WDFY3: variants seen among roughly 807,000 people sequenced by gnomAD.
The protein encoded by WDFY3 is WD repeat and FYVE domain-containing protein 3.
In WDFY3, 66 loss-of-function variants were observed where a neutral mutation model predicts 409.6. The ratio of observed to expected loss-of-function variants is 0.16; its 90% CI spans 0.13 to 0.20. The LOEUF is 0.20. Among genes scored for constraint, WDFY3 ranks in the 10% least tolerant of loss-of-function variants. WDFY3 has a pLI of 1.00. For missense variants in WDFY3, 3,031 were observed against 4,298.1 expected (o/e 0.71, Z 8.24); for synonymous variants, 1,521 against 1,537.1 (o/e 0.99, Z 0.25).
rs375474699 is a variant in WDFY3 at position 84,794,709 on chromosome 4, G to A, written c.3297C>T (p.Gly1099=). Residue 1099 remains glycine (G), a synonymous_variant, in exon 21 of 68, where the codon GGC becomes GGT. Coordinates refer to ENST00000295888, the MANE Select transcript of WDFY3 (RefSeq NM_014991.6). ...TACAAAACCAGCTAGAGTAACTTAA[G>A]CCGGAGGGAGGAGGGAAGAATCTTT... ...SGERFFPPPS[G]LSYSSWFCIE... The A allele has an allele frequency of 6.2e-7, 1 of 1,613,554 alleles. No homozygotes were observed. Among genetic ancestry groups the A allele is most frequent in the Non-Finnish European group, 8.5e-7 (1 of 1,179,852 alleles).
At chr4:84,947,659 C>A (rs982798595) in intron 1 of WDFY3, among the ~76,000 whole-genome samples, 6 of 148,746 alleles carry the variant, frequency 4.0e-5, no homozygotes, top group Non-Finnish European at 7.4e-5. Flanking sequence ...TCGCTTGAGT[C>A]CAGGAGTTCA....
At chr4:84,701,978 A>G (rs981464103) in intron 56 of WDFY3, among the ~76,000 whole-genome samples, 5 of 152,216 alleles carry the variant, frequency 3.3e-5, no homozygotes, top group Non-Finnish European at 7.3e-5. Context: ...CATCAAAACA[A>G]CGAAATTCTA....
chr4:84,793,522 G>T (rs1223673636), intron 21 of WDFY3, among the ~76,000 whole-genome samples: 2 of 152,148 alleles, frequency 1.3e-5, no homozygotes, highest in East Asian at 3.9e-4. Flanking sequence ...CAAGTACAAA[G>T]ATCAAAGGTG....
intron 2 of WDFY3, among the ~76,000 whole-genome samples, chr4:84,920,471 T>C (rs1183621782): frequency 1.3e-5 from 2 of 152,206 alleles, no homozygotes; most frequent in Non-Finnish European, 2.9e-5. Context: ...TTTACAAATA[T>C]ATACATATAA....
chr4:84,872,464 C>CAA (rs374854529), intron 3 of WDFY3, among the ~76,000 whole-genome samples: 5 of 91,284 alleles, frequency 5.5e-5, no homozygotes, highest in Admixed American at 1.2e-4. Context: ...GACTCTGTCT[C>CAA]AAAAAAAAAA....
At chr4:84,778,770 TACAC>T in intron 26 of WDFY3, 115 bp from the exon 27 acceptor site, 4 of 924,286 alleles carry the variant, frequency 4.3e-6, no homozygotes, top group African/African-American at 1.7e-5. Flanking sequence ...AACACACACA[TACAC>T]ACAGAATCCT....
At chr4:84,702,171 C>A (rs1355490875) in intron 56 of WDFY3, among the ~76,000 whole-genome samples, 182 bp downstream of exon 56, 1 of 152,174 alleles carries the variant, frequency 6.6e-6, no homozygotes, top group Non-Finnish European at 1.5e-5. Flanking sequence ...CCACGTCTGG[C>A]TAATTTTTGT....
chr4:84,841,177 T>C lies in WDFY3; in HGVS notation c.391A>G (p.Asn131Asp). The change falls in exon 6 of 68, where the codon AAT (asparagine) becomes GAT (aspartate). Residue 131 changes from asparagine to aspartate, a missense_variant. By Grantham distance (23) the Asn-to-Asp change is conservative. Coordinates refer to ENST00000295888, the MANE Select transcript of WDFY3 (RefSeq NM_014991.6). The stretch of plus-strand genomic sequence containing the variant: ...ACCTGACCAGAGGAAGCTAACAAAT[T>C]AATTGTCGTTAGAAGCATCCAGCCT... ...SRGWMLLTTI[N>D]LLASSGQKTV... 1 of 1,610,540 alleles carries C rather than the reference T, an allele frequency of 6.2e-7. No homozygotes were observed. Among genetic ancestry groups the C allele is most frequent in the South Asian group, 1.1e-5 (1 of 89,804 alleles).
chr4:84,737,647 T>C (rs1737682018), intron 40 of WDFY3, among the ~76,000 whole-genome samples: 1 of 152,184 alleles, frequency 6.6e-6, no homozygotes, highest in Admixed American at 6.5e-5. Flanking sequence ...ATTAACTAAC[T>C]TTTTCTAGAT....
intron 4 of WDFY3, among the ~76,000 whole-genome samples, chr4:84,859,910 T>C (rs528256463): frequency 6.6e-6 from 1 of 152,194 alleles, no homozygotes. Context: ...CCCAACAAGA[T>C]TGCTACATGT....
intron 16 of WDFY3, among the ~76,000 whole-genome samples, chr4:84,802,914 C>G (rs895038861): frequency 6.6e-6 from 1 of 152,158 alleles, no homozygotes; most frequent in Admixed American, 6.5e-5. Flanking sequence ...CTCCAATTCG[C>G]TCAAACTCTT....
chr4:84,756,351 G>A (rs1741452886), intron 33 of WDFY3, among the ~76,000 whole-genome samples: 1 of 152,044 alleles, frequency 6.6e-6, no homozygotes, highest in Non-Finnish European at 1.5e-5. Flanking sequence ...TTGGGAGGCT[G>A]AGGCAGGTGG....
At chr4:84,757,313 A>C (rs1453718901) in intron 32 of WDFY3, 152 bp from the exon 33 acceptor site, 2 of 711,776 alleles carry the variant, frequency 2.8e-6, no homozygotes, top group African/African-American at 3.6e-5. Flanking sequence ...TGTTGAATTA[A>C]TCTTCAGTTA....
chr4:84,681,620 C>T (rs181826026), intron 64 of WDFY3, among the ~76,000 whole-genome samples: 139 of 152,322 alleles, frequency 9.1e-4, no homozygotes, highest in African/African-American at 3.2e-3. Context: ...CAAAGTCACA[C>T]TGAATTCTCA....
chr4:84,801,123 T>C (rs1750474154), intron 17 of WDFY3, among the ~76,000 whole-genome samples: 1 of 150,938 alleles, frequency 6.6e-6, no homozygotes, highest in South Asian at 2.1e-4. Context: ...TGTGTGGTGA[T>C]TACATGAATC....
intron 3 of WDFY3, among the ~76,000 whole-genome samples, chr4:84,878,227 A>G (rs1004665117): frequency 3.3e-5 from 5 of 152,178 alleles, no homozygotes; most frequent in African/African-American, 1.2e-4. Context: ...AATAAGCCAG[A>G]ATCCTCCGCT....
At chr4:84,701,565 G>A (rs1731073434) in intron 56 of WDFY3, among the ~76,000 whole-genome samples, 1 of 152,068 alleles carries the variant, frequency 6.6e-6, no homozygotes, top group South Asian at 2.1e-4. Flanking sequence ...ATATCTGGCA[G>A]GAATATTCTC....
rs189213655 is a variant in WDFY3 at position 84,894,585 on chromosome 4, G to T, written c.-32+2326C>A. Among the ~76,000 whole-genome samples the T allele has an allele frequency of 5.4e-3, 828 of 152,160 alleles. 3 individuals carry two copies. The highest frequency in any genetic ancestry group is 8.3e-3 in the Non-Finnish European group (562 of 67,984). On this transcript the variant is annotated intron_variant, in intron 3 of 67. Transcript: ENST00000295888. ...GTGGATCACCTGAGGTCAGGAGTTCGAGAGCAGCCTGGCCAACATAGTGAA... is the reference window on the plus strand; with the variant it reads ...GTGGATCACCTGAGGTCAGGAGTTCTAGAGCAGCCTGGCCAACATAGTGAA...
At position 84,938,462 on chromosome 4, in the gene WDFY3, G is replaced by A. The variant is rs75099239; in HGVS notation, c.-225-6099C>T. ...TATTATTAGGTTTTAGACTCTGGCC[G>A]TCCACAGAATGACTCATTTCTTTCC... On this transcript the variant is annotated intron_variant, in intron 1 of 67. Transcript: ENST00000295888. Among the ~76,000 whole-genome samples the A allele has an allele frequency of 3.6e-3, 540 of 152,110 alleles. 4 individuals are homozygous for A. The highest frequency in any genetic ancestry group is 0.012 in the African/African-American group (511 of 41,488).
Sources: gnomAD v4.1 joint callset for allele counts (sites outside exome capture counted in the v4.1 genomes callset) on GRCh38, gnomAD v4.1.1 for gene constraint, MANE v1.5 for transcripts, NCBI Gene and HGNC (gene_info 2026-07-23, HGNC 2026-07-21) for gene names.